SIPA1L1: variants seen among roughly 807,000 people sequenced by gnomAD.
SIPA1L1 encodes the protein signal induced proliferation associated 1 like 1.
SIPA1L1 carries 26 observed loss-of-function variants against 162.7 expected under a neutral mutation model. The ratio of observed to expected loss-of-function variants is 0.16; its 90% CI spans 0.12 to 0.22. The LOEUF (loss-of-function observed/expected upper bound fraction) is 0.22. Ranked by LOEUF, SIPA1L1 falls within the 10% of genes least tolerant of loss-of-function variation. SIPA1L1 has a pLI of 1.00. For missense variants in SIPA1L1, 1,874 were observed against 2,241.0 expected (o/e 0.84, Z 3.31); for synonymous variants, 829 against 837.4 (o/e 0.99, Z 0.17).
intron 2 of SIPA1L1, among the ~76,000 whole-genome samples, chr14:71,486,568 T>C (rs2048773937): frequency 1.3e-5 from 2 of 152,336 alleles, no homozygotes; most frequent in South Asian, 4.1e-4. Flanking sequence ...CTTCTATCGC[T>C]AAAGAAGGGG....
intron 7 of SIPA1L1, among the ~76,000 whole-genome samples, chr14:71,643,595 T>C (rs926324208): frequency 6.6e-6 from 1 of 152,240 alleles, no homozygotes; most frequent in Non-Finnish European, 1.5e-5. Flanking sequence ...ATCTCTTTAA[T>C]GTCTGGCTTA....
intron 4 of SIPA1L1, among the ~76,000 whole-genome samples, chr14:71,564,477 C>T (rs146081045): frequency 9.8e-5 from 5 of 50,972 alleles, no homozygotes; most frequent in African/African-American, 4.1e-4. Flanking sequence ...TTCTTATCCT[C>T]GGCATTTTCT....
At chr14:71,469,708 G>C (rs2047301154) in intron 2 of SIPA1L1, among the ~76,000 whole-genome samples, 1 of 152,214 alleles carries the variant, frequency 6.6e-6, no homozygotes, top group South Asian at 2.1e-4. Flanking sequence ...TGTGAAAAAT[G>C]AGGAAGGTGA....
At chr14:71,565,602 T>A (rs1864603325) in intron 4 of SIPA1L1, among the ~76,000 whole-genome samples, 1 of 152,236 alleles carries the variant, frequency 6.6e-6, no homozygotes, top group Non-Finnish European at 1.5e-5. Context: ...TGGTGGATTA[T>A]ATGCAATAGT....
intron 7 of SIPA1L1, among the ~76,000 whole-genome samples, chr14:71,626,950 A>C (rs2040055483): frequency 6.6e-6 from 1 of 151,966 alleles, no homozygotes; most frequent in African/African-American, 2.4e-5. Flanking sequence ...ATTAAATATA[A>C]AAGAAAGCAC....
chr14:71,531,616 G>A (rs2053455036), intron 4 of SIPA1L1, among the ~76,000 whole-genome samples: 1 of 152,128 alleles, frequency 6.6e-6, no homozygotes, highest in African/African-American at 2.4e-5. Context: ...CCAGGCGGGA[G>A]TACAGTGGTG....
At chr14:71,410,519 T>C (rs1166834565) in intron 2 of SIPA1L1, among the ~76,000 whole-genome samples, 2 of 152,216 alleles carry the variant, frequency 1.3e-5, no homozygotes, top group African/African-American at 4.8e-5. Context: ...CGGAAGTGTT[T>C]AGGATTTTTT....
At chr14:71,443,678 T>A (rs2141285371) in intron 2 of SIPA1L1, among the ~76,000 whole-genome samples, 1 of 152,318 alleles carries the variant, frequency 6.6e-6, no homozygotes, top group Middle Eastern at 3.4e-3. Flanking sequence ...GCTAAGCGGG[T>A]TAAGCAGAAT....
At chr14:71,410,623 C>T (rs1360889008) in intron 2 of SIPA1L1, among the ~76,000 whole-genome samples, 2 of 152,200 alleles carry the variant, frequency 1.3e-5, no homozygotes, top group African/African-American at 2.4e-5. Flanking sequence ...ATGAGCATTT[C>T]CTTTGAGCAC....
chr14:71,641,654 C>T (rs2041727954), intron 7 of SIPA1L1, among the ~76,000 whole-genome samples: 2 of 152,280 alleles, frequency 1.3e-5, no homozygotes, highest in Non-Finnish European at 2.9e-5. Flanking sequence ...ACCTGGGAGG[C>T]GGAGCTTGCA....
intron 4 of SIPA1L1, among the ~76,000 whole-genome samples, chr14:71,546,442 CA>C (rs2055210934): frequency 7.5e-6 from 1 of 133,912 alleles, no homozygotes. Context: ...GGTGCAGTGG[CA>C]CAATCTCAGC....
chr14:71,531,976 A>G (rs574305059), intron 4 of SIPA1L1, among the ~76,000 whole-genome samples: 3 of 152,132 alleles, frequency 2.0e-5, no homozygotes, highest in Non-Finnish European at 4.4e-5. Flanking sequence ...CTAATTACTG[A>G]TAAAGTATCA....
intron 2 of SIPA1L1, among the ~76,000 whole-genome samples, chr14:71,410,989 A>C (rs143254553): frequency 6.6e-6 from 1 of 152,322 alleles, no homozygotes; most frequent in East Asian, 1.9e-4. Context: ...CTGGAGGTCA[A>C]ACTTCTCTTT....
chr14:71,527,605 T>C (rs1483604101), intron 3 of SIPA1L1, among the ~76,000 whole-genome samples: 1 of 152,088 alleles, frequency 6.6e-6, no homozygotes, highest in Non-Finnish European at 1.5e-5. Flanking sequence ...GGCGTCCACT[T>C]TTCTTCTTTT....
intron 2 of SIPA1L1, among the ~76,000 whole-genome samples, chr14:71,474,365 G>A (rs976843525): frequency 3.9e-5 from 6 of 152,164 alleles, no homozygotes; most frequent in Non-Finnish European, 8.8e-5. Context: ...TGGCCAACTG[G>A]GAGTGTGCTG....
intron 14 of SIPA1L1, among the ~76,000 whole-genome samples, chr14:71,700,597 A>G (rs984119340): frequency 3.3e-5 from 5 of 152,202 alleles, no homozygotes; most frequent in Admixed American, 6.5e-5. Context: ...TTTATTTTTG[A>G]TAAGTGCTAC....
At chr14:71,623,716 A>G (rs1319333468) in intron 6 of SIPA1L1, among the ~76,000 whole-genome samples, 2 of 152,190 alleles carry the variant, frequency 1.3e-5, no homozygotes, top group African/African-American at 4.8e-5. Context: ...CCTAATTAGT[A>G]TGCATAGTGA....
At chr14:71,496,886 C>G (rs943659949) in intron 2 of SIPA1L1, among the ~76,000 whole-genome samples, 1 of 152,048 alleles carries the variant, frequency 6.6e-6, no homozygotes, top group East Asian at 1.9e-4. Context: ...TAAAAATGAT[C>G]CTGGGCTGGG....
chr14:71,399,024 GAGAT>G (rs1032031187), intron 2 of SIPA1L1, among the ~76,000 whole-genome samples: 25 of 152,160 alleles, frequency 1.6e-4, no homozygotes, highest in Non-Finnish European at 4.4e-5. Context: ...GGTGAGGGTG[GAGAT>G]AGATCTCAGC....
Sources: allele counts gnomAD v4.1 joint callset (sites outside exome capture counted in the v4.1 genomes callset), GRCh38; gene constraint gnomAD v4.1.1; transcripts MANE v1.5; gene names NCBI Gene and HGNC (gene_info 2026-07-23, HGNC 2026-07-21).